CD300LD: variants seen among roughly 807,000 people sequenced by gnomAD.
CD300LD encodes the protein CMRF35-like molecule 5.
In CD300LD, 18 loss-of-function variants were observed where a neutral mutation model predicts 20.3. That is an observed-to-expected ratio of 0.89 (90% CI 0.61 to 1.32). CD300LD has a LOEUF of 1.32. Among genes scored for constraint, CD300LD ranks in the 40% most tolerant of loss-of-function variants. The pLI is 0.00. For synonymous variants in CD300LD, 104 were observed against 90.1 expected, an observed-to-expected ratio of 1.15 and a Z score of -0.87; for missense variants, 195 against 226.6, an observed-to-expected ratio of 0.86 and a Z score of 0.90.
chr17:74,588,641 G>A lies in CD300LD; in HGVS notation c.249C>T (p.Asp83=). ...CGGTGAACACGTGGTTTTTCTGATT[G>A]TCCCTGATGGAAACTCGATTCTTCT... is the stretch of plus-strand genomic sequence containing the variant. ...EVKKNRVSIR[D]NQKNHVFTVT... is the part of the protein sequence containing the mutation. The change falls in exon 2 of 4, where the codon GAC becomes GAT. Residue 83 remains aspartate, a synonymous_variant. Coordinates refer to ENST00000375352, the MANE Select transcript of CD300LD (RefSeq NM_001115152.2). 1 of 1,614,058 alleles carries A rather than the reference G, an allele frequency of 6.2e-7. No individual in the cohort carries two copies. Among genetic ancestry groups the A allele is most frequent in the Non-Finnish European group, 8.5e-7 (1 of 1,179,948 alleles).
chr17:74,583,016 C>T (rs2030072241), intron 2 of CD300LD, among the ~76,000 whole-genome samples: 1 of 152,170 alleles, frequency 6.6e-6, no homozygotes, highest in Non-Finnish European at 1.5e-5. Flanking sequence ...CAAGGTATAA[C>T]TGACACATAA....
At chr17:74,583,690 G>A (rs1434192864) in intron 2 of CD300LD, among the ~76,000 whole-genome samples, 1 of 151,126 alleles carries the variant, frequency 6.6e-6, no homozygotes, top group Non-Finnish European at 1.5e-5. Flanking sequence ...TTTATCATTG[G>A]TATATCAGTA....
At chr17:74,591,025 T>C (rs2030298836) in intron 1 of CD300LD, among the ~76,000 whole-genome samples, 1 of 152,058 alleles carries the variant, frequency 6.6e-6, no homozygotes, top group Non-Finnish European at 1.5e-5. Context: ...CAGTGAACCC[T>C]GATCCCAGCA....
At chr17:74,581,492 C>T (rs1441202588) in intron 3 of CD300LD, among the ~76,000 whole-genome samples, 7 of 152,232 alleles carry the variant, frequency 4.6e-5, no homozygotes, top group Non-Finnish European at 2.9e-5. Context: ...CTGGACACCT[C>T]CAGGGCTGGT....
chr17:74,582,505 T>G (rs1214474967), intron 2 of CD300LD, among the ~76,000 whole-genome samples, 194 bp from the exon 3 acceptor site: 1 of 152,252 alleles, frequency 6.6e-6, no homozygotes, highest in East Asian at 1.9e-4. Flanking sequence ...TGAGAAATTC[T>G]GAGGAGCAGA....
At chr17:74,583,212 A>G (rs928027761) in intron 2 of CD300LD, among the ~76,000 whole-genome samples, 2 of 152,182 alleles carry the variant, frequency 1.3e-5, no homozygotes, top group African/African-American at 4.8e-5. Flanking sequence ...TTGATATGCT[A>G]GTCCCCAGTA....
downstream of CD300LD, among the ~76,000 whole-genome samples, chr17:74,579,108 A>G (rs780423203): frequency 3.9e-5 from 6 of 152,198 alleles, no homozygotes; most frequent in African/African-American, 1.2e-4. Flanking sequence ...ATCATCTTCA[A>G]TCGTACTCAT....
rs1236502457 is a variant in CD300LD at position 74,582,242 on chromosome 17, TG to T, written c.448del (p.Gln150ArgfsTer29). 1 of 1,613,892 alleles carries T rather than the reference TG, an allele frequency of 6.2e-7. No homozygotes were observed. The highest frequency in any genetic ancestry group is 8.5e-7 in the Non-Finnish European group (1 of 1,179,852). The part of the protein sequence containing the change: ...ASLAFTAAAT[Q>X]KTSSPLTRSP... ...CCTGGTGAGGGGGCTGCTGGTCTTC[TG>T]GGTGGCTGCAGCTGTGAAAGCCAGG... On this transcript the variant is annotated frameshift_variant, in exon 3 of 4. Transcript: ENST00000375352. LOFTEE classifies it low-confidence loss of function (END_TRUNC).
chr17:74,580,201 A>G, intron 3 of CD300LD, 88 bp from the exon 4 acceptor site: 3 of 875,126 alleles, frequency 3.4e-6, no homozygotes, highest in Non-Finnish European at 5.6e-6. Context: ...CCTGGCTTCC[A>G]ATGTCTATGT....
chr17:74,591,262 AAATAAAAAT>A (rs1247627458), intron 1 of CD300LD, among the ~76,000 whole-genome samples: 5 of 114,118 alleles, frequency 4.4e-5, no homozygotes, highest in Non-Finnish European at 8.5e-5. Flanking sequence ...AAAAAAAAAA[AAATAAAAAT>A]AATAATAATA....
Position 74,591,259 on chromosome 17 carries a change from A to ATAATAAT in CD300LD, c.40+903_40+904insATTATTA, listed in dbSNP as rs1284859773. On this transcript the variant is annotated intron_variant, in intron 1 of 3. Coordinates refer to ENST00000375352, the MANE Select transcript of CD300LD (RefSeq NM_001115152.2). Reference sequence around the variant, plus strand: ...TGAGTCCTCATCTCTACAAAAAAAAAAAAAATAAAAATAATAATAATAATA... The same window carrying ATAATAAT: ...TGAGTCCTCATCTCTACAAAAAAAAATAATAATAAAAATAAAAATAATAATAATAATA... Among the ~76,000 whole-genome samples the ATAATAAT allele has an allele frequency of 9.8e-5, 11 of 112,818 alleles. 1 individual carries two copies. The South Asian group carries it at 1.5e-3, about 15-fold the overall frequency. 74.0% of individuals were successfully genotyped at this position (112,818 alleles called of 152,430 possible).
downstream of CD300LD, among the ~76,000 whole-genome samples, chr17:74,579,074 G>A (rs1381103659): frequency 1.3e-5 from 2 of 152,212 alleles, no homozygotes; most frequent in Non-Finnish European, 2.9e-5. Context: ...GTCTTACAGT[G>A]ACGAAAGGAG....
intron 3 of CD300LD, among the ~76,000 whole-genome samples, chr17:74,580,558 T>G (rs1719464): frequency 6.6e-6 from 1 of 152,206 alleles, no homozygotes; most frequent in Non-Finnish European, 1.5e-5. Flanking sequence ...GACCTTGCTC[T>G]GACCCTCTTC....
chr17:74,582,213 C>T lies in CD300LD; in HGVS notation c.473+5G>A, dbSNP rs2030051910. ...GCGAAAGTGGTGGGACCTGGCTCCA[C>T]CTACCTGGTGAGGGGGCTGCTGGTC... is the stretch of plus-strand genomic sequence containing the variant. On this transcript the variant is annotated splice_donor_5th_base_variant and intron_variant, in intron 3 of 3. Transcript: ENST00000375352. 1.2e-6 allele frequency: 2 copies of T among 1,613,404 alleles called. No homozygotes were observed. The highest frequency in any genetic ancestry group is 2.7e-5 in the African/African-American group (2 of 75,042).
At chr17:74,591,268 A>AAAAAAAAATAATAATAATAAT (rs146085886) in intron 1 of CD300LD, among the ~76,000 whole-genome samples, 1 of 142,400 alleles carries the variant, frequency 7.0e-6, no homozygotes, top group African/African-American at 2.6e-5. Flanking sequence ...AAAAAAATAA[A>AAAAAAAAATAATAATAATAAT]AATAATAATA....
intron 2 of CD300LD, among the ~76,000 whole-genome samples, chr17:74,584,330 C>G (rs1169997288): frequency 6.6e-6 from 1 of 152,140 alleles, no homozygotes; most frequent in Non-Finnish European, 1.5e-5. Flanking sequence ...GAGAGTGTTT[C>G]CAACACTTGG....
At position 74,592,249 on chromosome 17, in the gene CD300LD, C is replaced by A. The variant is rs141433413; in HGVS notation, c.-47G>T. The A allele has an allele frequency of 7.9e-5, 128 of 1,614,068 alleles. 1 individual carries two copies. Among genetic ancestry groups the A allele is most frequent in the Middle Eastern group, 6.6e-4 (4 of 6,060 alleles). ...CTTGGTGATCACAGGTGTCTGGTGC[C>A]CTTCAGGGACTTGAATCCAAGCTCG... is the stretch of plus-strand genomic sequence containing the variant. On this transcript the variant is annotated 5_prime_UTR_variant, in exon 1 of 4. Transcript: ENST00000375352.
chr17:74,582,518 A>G (rs964571086), intron 2 of CD300LD, among the ~76,000 whole-genome samples: 2 of 152,256 alleles, frequency 1.3e-5, no homozygotes, highest in South Asian at 2.1e-4. Context: ...GGAGCAGACT[A>G]AGGAGGGAAT....
intron 2 of CD300LD, among the ~76,000 whole-genome samples, 160 bp downstream of exon 2, chr17:74,588,351 T>C (rs150272513): frequency 1.3e-5 from 2 of 152,110 alleles, no homozygotes; most frequent in African/African-American, 4.8e-5. Context: ...TCAACACGAG[T>C]TTTGGAGGGA....
Sources: allele counts gnomAD v4.1 joint callset (sites outside exome capture counted in the v4.1 genomes callset), GRCh38; gene constraint gnomAD v4.1.1; transcripts MANE v1.5; gene names NCBI Gene and HGNC (gene_info 2026-07-23, HGNC 2026-07-21).